Variants in PTPRD observed in about 807,000 individuals in gnomAD.
The protein encoded by PTPRD is receptor-type tyrosine-protein phosphatase delta.
A neutral mutation model predicts 214.5 loss-of-function variants in PTPRD; 34 were observed. The ratio of observed to expected loss-of-function variants is 0.16; its 90% confidence interval spans 0.12 to 0.21. PTPRD has a LOEUF of 0.21. Among genes scored for constraint, PTPRD ranks in the 10% least tolerant of loss-of-function variants. The pLI is 1.00. For synonymous variants in PTPRD, 1,128 were observed against 845.7 expected, an observed-to-expected ratio of 1.33 and a Z score of -5.79; for missense variants, 2,545 against 2,398.7, an observed-to-expected ratio of 1.06 and a Z score of -1.27.
chr9:9,924,161 G>A (rs1361207566), intron 5 of PTPRD, among the ~76,000 whole-genome samples: 1 of 151,974 alleles, frequency 6.6e-6, no homozygotes, highest in African/African-American at 2.4e-5. Context: ...TGAGAGAATA[G>A]TGGGAAAAGA....
intron 4 of PTPRD, among the ~76,000 whole-genome samples, chr9:9,979,801 A>G (rs547564928): frequency 6.6e-6 from 1 of 152,342 alleles, no homozygotes; most frequent in South Asian, 2.1e-4. Context: ...TAGAATGATG[A>G]GTGAGGGAGA....
intron 12 of PTPRD, among the ~76,000 whole-genome samples, chr9:8,691,670 C>G (rs2097804308): frequency 6.6e-6 from 1 of 152,082 alleles, no homozygotes; most frequent in South Asian, 2.1e-4. Context: ...AAATAGTAAC[C>G]AGATTCCAAG....
intron 8 of PTPRD, among the ~76,000 whole-genome samples, chr9:9,486,750 G>T (rs1257890221): frequency 2.0e-5 from 3 of 152,100 alleles, no homozygotes; most frequent in African/African-American, 7.2e-5. Flanking sequence ...ATTGAATCTA[G>T]GATACACACC....
intron 8 of PTPRD, among the ~76,000 whole-genome samples, chr9:9,440,968 C>T (rs985406014): frequency 2.6e-5 from 4 of 152,190 alleles, no homozygotes; most frequent in South Asian, 4.1e-4. Flanking sequence ...AGCTGATCTT[C>T]AGGCCTGCTG....
intron 3 of PTPRD, among the ~76,000 whole-genome samples, chr9:10,102,635 G>A (rs2154215590): frequency 6.6e-6 from 1 of 151,432 alleles, no homozygotes; most frequent in African/African-American, 2.4e-5. Flanking sequence ...TTAGCCTCTG[G>A]ATTTCAGATA....
intron 5 of PTPRD, among the ~76,000 whole-genome samples, chr9:9,938,269 A>T (rs2090266669): frequency 6.6e-6 from 1 of 152,224 alleles, no homozygotes; most frequent in African/African-American, 2.4e-5. Context: ...TCAGAAAGAA[A>T]TCCATTCATA....
chr9:9,353,173 T>G (rs189534692), intron 9 of PTPRD, among the ~76,000 whole-genome samples: 1 of 152,062 alleles, frequency 6.6e-6, no homozygotes, highest in Admixed American at 6.6e-5. Flanking sequence ...TATTTCATGT[T>G]GATATATTTA....
rs933285922 is a variant in PTPRD, at chr9:8,713,838, C to T, written c.64+19942G>A. 1.1e-5 allele frequency: 16 copies of T among 1,470,556 alleles called. No homozygotes were observed. In the African/African-American group the frequency reaches 2.0e-4, roughly 18 times the overall value. The allele number at this position is 1,470,556 out of a possible 1,614,324, so 91.1% of individuals were successfully genotyped here. ...CCACCAAGAGGCCCAACACCTTCTT[C>T]TAGGTGCAGGGCCCTCGCCCGGGTG... is the stretch of plus-strand genomic sequence containing the variant. On this transcript the variant is annotated intron_variant, in intron 12 of 45. Transcript: ENST00000381196.
chr9:9,959,564 G>A (rs938155036), intron 4 of PTPRD, among the ~76,000 whole-genome samples: 2 of 152,072 alleles, frequency 1.3e-5, no homozygotes, highest in South Asian at 2.1e-4. Flanking sequence ...ATCTTCCTAC[G>A]ACAAATATAT....
intron 3 of PTPRD, among the ~76,000 whole-genome samples, chr9:10,218,589 C>G (rs62538587): frequency 0.11 from 16,568 of 151,636 alleles, 1,034 homozygotes; most frequent in Non-Finnish European, 0.14. Context: ...ACAGTGTATA[C>G]GACCTTGGAT....
intron 9 of PTPRD, among the ~76,000 whole-genome samples, chr9:9,344,894 G>T (rs944664192): frequency 7.2e-5 from 11 of 151,972 alleles, no homozygotes; most frequent in African/African-American, 2.7e-4. Flanking sequence ...CTATCAATAA[G>T]AACTCTTTTC....
At chr9:10,133,490 G>A (rs1316719328) in intron 3 of PTPRD, among the ~76,000 whole-genome samples, 4 of 151,928 alleles carry the variant, frequency 2.6e-5, no homozygotes, top group Admixed American at 6.6e-5. Context: ...GCATATACCT[G>A]TACGTTATAT....
At chr9:10,425,401 TAAC>T (rs781363650) in intron 2 of PTPRD, among the ~76,000 whole-genome samples, 1 of 151,990 alleles carries the variant, frequency 6.6e-6, no homozygotes, top group Non-Finnish European at 1.5e-5. Flanking sequence ...AACTTTATAA[TAAC>T]ATTATTTGTG....
intron 7 of PTPRD, among the ~76,000 whole-genome samples, chr9:9,718,636 A>G (rs528450757): frequency 4.3e-4 from 66 of 152,334 alleles, no homozygotes; most frequent in African/African-American, 1.5e-3. Context: ...CCCTGCTCCA[A>G]GCACCTGCTC....
At chr9:9,134,362 C>T (rs375876138) in intron 10 of PTPRD, among the ~76,000 whole-genome samples, 5 of 136,834 alleles carry the variant, frequency 3.7e-5, no homozygotes, top group South Asian at 2.2e-4. Context: ...CGTGAGCCAC[C>T]GCGCCCGTAG....
intron 8 of PTPRD, among the ~76,000 whole-genome samples, chr9:9,545,276 G>A (rs1353031480): frequency 6.6e-6 from 1 of 151,674 alleles, no homozygotes; most frequent in Non-Finnish European, 1.5e-5. Flanking sequence ...GTTCCACTGT[G>A]CTAAAAATCC....
chr9:8,658,671 GAA>G lies in PTPRD; in HGVS notation c.65-21829_65-21828del, dbSNP rs35547116. The stretch of plus-strand genomic sequence containing the variant: ...CAGCATCTAGATAAAAGCACATTTG[GAA>G]AAAAAAAAAAAAAAAGGTGAAGACA... On this transcript the variant is annotated intron_variant, in intron 12 of 45. Coordinates refer to ENST00000381196, the MANE Select transcript of PTPRD (RefSeq NM_002839.4). 2.4e-3 allele frequency among the ~76,000 whole-genome samples: 291 copies of G among 122,146 alleles called. 1 individual carries two copies. Among genetic ancestry groups the G allele is most frequent in the South Asian group, 4.8e-3 (18 of 3,770 alleles). 80.1% of individuals were successfully genotyped at this position (122,146 alleles called of 152,430 possible). A position where few individuals can be genotyped will look rare whatever the true frequency, so the allele number is the denominator to read the frequency against.
intron 5 of PTPRD, among the ~76,000 whole-genome samples, chr9:9,861,907 A>T (rs2062858546): frequency 6.6e-6 from 1 of 152,182 alleles, no homozygotes; most frequent in African/African-American, 2.4e-5. Flanking sequence ...TTATAATAGC[A>T]GCATATGCTC....
chr9:9,588,225 G>A (rs1186874810), intron 7 of PTPRD, among the ~76,000 whole-genome samples: 1 of 151,746 alleles, frequency 6.6e-6, no homozygotes, highest in African/African-American at 2.4e-5. Flanking sequence ...AGTCCTTATC[G>A]CTCAGCAGAA....
Sources: allele counts gnomAD v4.1 joint callset (sites outside exome capture counted in the v4.1 genomes callset), GRCh38; gene constraint gnomAD v4.1.1; transcripts MANE v1.5; gene names NCBI Gene and HGNC (gene_info 2026-07-23, HGNC 2026-07-21).